The following RTL4 variants were observed in gnomAD, a reference collection of about 807,000 sequenced individuals.
The protein encoded by RTL4 is retrotransposon Gag like 4.
A neutral mutation model predicts 5.3 loss-of-function variants in RTL4; 4 were observed. The observed-to-expected ratio is 0.75, with a 90% CI of 0.37 to 1.72. The LOEUF (loss-of-function observed/expected upper bound fraction) is 1.72, where lower values mean the gene tolerates loss of function less well. Among genes scored for constraint, RTL4 ranks in the 40% most tolerant of loss-of-function variants. The pLI is 0.04. For missense variants in RTL4, 260 were observed against 227.1 expected (o/e 1.14, Z -0.93); for synonymous variants, 98 against 87.3 (o/e 1.12, Z -0.68).
chrX:112,197,122 A>G, the RTL4 span, among the ~76,000 whole-genome samples: 3 of 104,917 alleles, frequency 2.9e-5, no homozygotes, highest in Non-Finnish European at 5.9e-5. Context: ...AAGAATACAA[A>G]TAATCCATTT....
the RTL4 span, among the ~76,000 whole-genome samples, chrX:112,367,298 CAT>C: frequency 1.8e-5 from 2 of 111,449 alleles, no homozygotes; most frequent in African/African-American, 6.5e-5. Flanking sequence ...AGAAATGACA[CAT>C]GAGTTGAAAC....
At chrX:112,439,510 G>C in the RTL4 span, among the ~76,000 whole-genome samples, 1 of 111,790 alleles carries the variant, frequency 8.9e-6, no homozygotes, top group Non-Finnish European at 1.9e-5. Flanking sequence ...TATGTTTTGA[G>C]ATGATACTAC....
chrX:112,381,545 A>G, the RTL4 span: 1 of 1,186,291 alleles, frequency 8.4e-7, no homozygotes, highest in South Asian at 1.8e-5. Flanking sequence ...AGAGTACACA[A>G]AGCAACCTGA....
the RTL4 span, among the ~76,000 whole-genome samples, chrX:112,418,008 C>T: frequency 8.2e-5 from 9 of 110,395 alleles, no homozygotes; most frequent in Non-Finnish European, 1.7e-4. Flanking sequence ...ATTAGCCGGG[C>T]GTGGTGGCAT....
chrX:112,357,392 G>C, the RTL4 span, among the ~76,000 whole-genome samples: 1 of 111,480 alleles, frequency 9.0e-6, no homozygotes, highest in African/African-American at 3.3e-5. Flanking sequence ...TGGGTCATTT[G>C]TCTATTTCTG....
the RTL4 span, among the ~76,000 whole-genome samples, chrX:112,184,816 G>C: frequency 8.9e-6 from 1 of 111,859 alleles, no homozygotes; most frequent in African/African-American, 3.2e-5. Context: ...TTTATGACTA[G>C]GTAAAGCAGC....
chrX:112,151,955 T>C, the RTL4 span, among the ~76,000 whole-genome samples: 6 of 112,061 alleles, frequency 5.4e-5, no homozygotes, highest in Non-Finnish European at 1.1e-4. Context: ...ATTGAGAGTC[T>C]GATTAAATTC....
At chrX:112,184,365 AT>A in the RTL4 span, among the ~76,000 whole-genome samples, 1 of 112,328 alleles carries the variant, frequency 8.9e-6, no homozygotes, top group African/African-American at 3.2e-5. Flanking sequence ...AAAAATTAAA[AT>A]TAAAAAAAGG....
chrX:112,177,921 C>T, the RTL4 span, among the ~76,000 whole-genome samples: 1 of 108,081 alleles, frequency 9.3e-6, no homozygotes, highest in African/African-American at 3.4e-5. Flanking sequence ...ATAGACAACA[C>T]ATAAAGAAAC....
chrX:112,401,021 C>T, the RTL4 span, among the ~76,000 whole-genome samples: 1 of 111,804 alleles, frequency 8.9e-6, no homozygotes, highest in East Asian at 2.8e-4. Context: ...ATAGGGCTCC[C>T]CTTGTTTTTC....
At chrX:112,162,831 G>T in the RTL4 span, among the ~76,000 whole-genome samples, 1 of 111,223 alleles carries the variant, frequency 9.0e-6, no homozygotes, top group East Asian at 2.8e-4. Flanking sequence ...CTGCTCCGGA[G>T]GATCCTAAGG....
the RTL4 span, among the ~76,000 whole-genome samples, chrX:112,226,600 G>T: frequency 9.0e-6 from 1 of 111,518 alleles, no homozygotes; most frequent in East Asian, 2.8e-4. Flanking sequence ...AGTTTTCATA[G>T]ATGTAAAATG....
the RTL4 span, among the ~76,000 whole-genome samples, chrX:112,149,785 AG>A: frequency 8.9e-6 from 1 of 111,811 alleles, no homozygotes; most frequent in Non-Finnish European, 1.9e-5. Context: ...CAGTCAGTCT[AG>A]TGGGAGGAGA....
chrX:112,164,548 T>A, the RTL4 span, among the ~76,000 whole-genome samples: 1 of 112,651 alleles, frequency 8.9e-6, no homozygotes, highest in South Asian at 3.7e-4. Context: ...AGGCTTTGAC[T>A]GCCCACAGAC....
the RTL4 span, among the ~76,000 whole-genome samples, chrX:112,260,864 T>C: frequency 8.9e-6 from 1 of 111,852 alleles, no homozygotes; most frequent in African/African-American, 3.2e-5. Context: ...CATGAATACC[T>C]AATCTTAGAT....
the RTL4 span, among the ~76,000 whole-genome samples, chrX:112,290,938 T>C: frequency 8.9e-6 from 1 of 112,092 alleles, no homozygotes; most frequent in Non-Finnish European, 1.9e-5. Context: ...GCCCCTGAAC[T>C]ACATGGCTAT....
the RTL4 span, among the ~76,000 whole-genome samples, chrX:112,312,770 T>C: frequency 9.0e-6 from 1 of 111,167 alleles, no homozygotes; most frequent in East Asian, 2.8e-4. Flanking sequence ...TCTCAGTATG[T>C]TCCAAACACC....
the RTL4 span, among the ~76,000 whole-genome samples, chrX:112,276,911 T>C: frequency 8.9e-6 from 1 of 112,168 alleles, no homozygotes; most frequent in African/African-American, 3.2e-5. Flanking sequence ...TAGTTGTGCA[T>C]ATTTTGTGAT....
the RTL4 span, among the ~76,000 whole-genome samples, chrX:112,348,909 A>G: frequency 4.9e-4 from 54 of 110,799 alleles, no homozygotes; most frequent in Non-Finnish European, 8.7e-4. Flanking sequence ...TAGCTAATAT[A>G]TAAAACATTT....
Sources: gnomAD v4.1 joint callset for allele counts (sites outside exome capture counted in the v4.1 genomes callset) on GRCh38, gnomAD v4.1.1 for gene constraint, MANE v1.5 for transcripts, NCBI Gene and HGNC (gene_info 2026-07-23, HGNC 2026-07-21) for gene names.